Variants in MAD1L1 observed in about 807,000 individuals in gnomAD.
MAD1L1 encodes the protein mitotic arrest deficient 1 like 1, also known as mitotic spindle assembly checkpoint protein MAD1.
MAD1L1 carries 95 observed loss-of-function variants against 96.9 expected under a neutral mutation model. The ratio of observed to expected loss-of-function variants is 0.98; its 90% confidence interval spans 0.83 to 1.16. The LOEUF (loss-of-function observed/expected upper bound fraction) is 1.16, where lower values mean the gene tolerates loss of function less well. Among genes scored for constraint, MAD1L1 ranks in the 50% most tolerant of loss-of-function variants. MAD1L1 has a pLI of 0.00. For missense variants in MAD1L1, 1,007 were observed against 954.4 expected (o/e 1.06, Z -0.73); for synonymous variants, 473 against 396.6 (o/e 1.19, Z -2.29).
In MAD1L1 at chr7:2,219,472, A is replaced by ACCAGAGAGCCGCTCAGTGAGTGGAG; in HGVS notation, c.472-41_472-17dup. 6.2e-7 allele frequency: 1 copy of ACCAGAGAGCCGCTCAGTGAGTGGAG among 1,612,008 alleles called. No homozygotes were observed. The highest frequency in any genetic ancestry group is 1.1e-5 in the South Asian group (1 of 90,886). ...CGTTGATGGTCTAAAAGTAGAGGGG[A>ACCAGAGAGCCGCTCAGTGAGTGGAG]CCAGAGAGCCGCTCAGTGAGTGGAG... On this transcript the variant is annotated splice_polypyrimidine_tract_variant and intron_variant, in intron 5 of 18. Coordinates refer to ENST00000265854, the MANE Select transcript of MAD1L1 (RefSeq NM_001013836.2).
At chr7:1,909,164 T>A (rs1017502572) in intron 17 of MAD1L1, among the ~76,000 whole-genome samples, 14 of 152,082 alleles carry the variant, frequency 9.2e-5, no homozygotes, top group African/African-American at 3.4e-4. Flanking sequence ...GGCCTCCACA[T>A]CAGGCCGAGG....
chr7:2,034,124 C>T (rs1783356349), intron 12 of MAD1L1, among the ~76,000 whole-genome samples: 1 of 151,934 alleles, frequency 6.6e-6, no homozygotes, highest in Admixed American at 6.5e-5. Flanking sequence ...ACAAATGAAT[C>T]AGATATGGGG....
At chr7:1,958,974 A>G (rs1383887526) in intron 15 of MAD1L1, among the ~76,000 whole-genome samples, 1 of 152,204 alleles carries the variant, frequency 6.6e-6, no homozygotes, top group Non-Finnish European at 1.5e-5. Context: ...CACAGAGGCC[A>G]GGCACGGTGG....
intron 11 of MAD1L1, among the ~76,000 whole-genome samples, chr7:2,084,517 G>C (rs1406563370): frequency 6.6e-6 from 1 of 152,238 alleles, no homozygotes; most frequent in Non-Finnish European, 1.5e-5. Flanking sequence ...CCAGGCTCTG[G>C]CAGGCCTGAC....
intron 12 of MAD1L1, among the ~76,000 whole-genome samples, chr7:2,046,947 G>T (rs760907393): frequency 6.6e-6 from 1 of 152,240 alleles, no homozygotes; most frequent in Non-Finnish European, 1.5e-5. Context: ...CCCCTGGGCT[G>T]AGCGCACCCA....
chr7:2,169,785 G>A (rs890134647), intron 10 of MAD1L1, among the ~76,000 whole-genome samples: 26 of 131,284 alleles, frequency 2.0e-4, no homozygotes, highest in Non-Finnish European at 3.9e-4. Flanking sequence ...TCGGAGCAGG[G>A]GCTGGACCAC....
intron 11 of MAD1L1, among the ~76,000 whole-genome samples, chr7:2,132,011 C>T (rs563238562): frequency 3.9e-5 from 6 of 152,322 alleles, no homozygotes; most frequent in Non-Finnish European, 7.3e-5. Flanking sequence ...TGCCTCCTGA[C>T]GCTCAGCGTG....
chr7:2,202,227 G>C (rs749991), intron 10 of MAD1L1: 22,323 of 152,466 alleles, frequency 0.15, 1,826 homozygotes, highest in Middle Eastern at 0.26. Flanking sequence ...TCAGGATTGA[G>C]AGGATGCGTT....
intron 10 of MAD1L1, among the ~76,000 whole-genome samples, chr7:2,212,517 TTC>T (rs1190681603): frequency 1.3e-5 from 2 of 152,090 alleles, no homozygotes; most frequent in Non-Finnish European, 2.9e-5. Context: ...TGATAGTGAG[TTC>T]TCATGAGATC....
At chr7:1,907,408 T>A (rs1288855934) in intron 17 of MAD1L1, among the ~76,000 whole-genome samples, 1 of 152,230 alleles carries the variant, frequency 6.6e-6, no homozygotes, top group Non-Finnish European at 1.5e-5. Context: ...AAACAATGAA[T>A]CAAATACAGT....
intron 18 of MAD1L1, chr7:1,874,509 T>C (rs1309435838): frequency 1.1e-5 from 5 of 455,154 alleles, no homozygotes; most frequent in Middle Eastern, 3.3e-4. Context: ...GATAATCCTA[T>C]AGCTTTCCGC....
chr7:2,023,138 G>A (rs1782857119), intron 12 of MAD1L1, among the ~76,000 whole-genome samples: 1 of 152,314 alleles, frequency 6.6e-6, no homozygotes, highest in South Asian at 2.1e-4. Flanking sequence ...CCCGCAGGCA[G>A]AAAATCAGTG....
intron 11 of MAD1L1, among the ~76,000 whole-genome samples, chr7:2,095,013 T>C (rs901853824): frequency 6.6e-6 from 1 of 151,950 alleles, no homozygotes; most frequent in African/African-American, 2.4e-5. Context: ...AACTGAGCAA[T>C]CATTAAATAG....
At chr7:2,014,375 G>A (rs1480080769) in intron 13 of MAD1L1, 127 bp downstream of exon 13, 20 of 1,287,024 alleles carry the variant, frequency 1.6e-5, no homozygotes, top group African/African-American at 4.5e-5. Context: ...CTCCCTGACA[G>A]ACACCTGCCA....
At chr7:1,882,432 C>G (rs1785742138) in intron 18 of MAD1L1, among the ~76,000 whole-genome samples, 1 of 152,182 alleles carries the variant, frequency 6.6e-6, no homozygotes, top group South Asian at 2.1e-4. Context: ...GATGGGAAGG[C>G]TTCAGAAGAG....
chr7:1,998,831 C>T (rs1781670200), intron 14 of MAD1L1, among the ~76,000 whole-genome samples: 1 of 149,386 alleles, frequency 6.7e-6, no homozygotes, highest in Non-Finnish European at 1.5e-5. Flanking sequence ...AGTCCACAGA[C>T]CCCCTAACCC....
At position 2,114,543 on chromosome 7, in the gene MAD1L1, C is replaced by T. The variant is rs1029954870; in HGVS notation, c.1073+34609G>A. Among the ~76,000 whole-genome samples the T allele has an allele frequency of 2.6e-5, 4 of 152,246 alleles. No individual in the cohort carries two copies. Among genetic ancestry groups the T allele is most frequent in the African/African-American group, 4.8e-5 (2 of 41,468 alleles). On this transcript the variant is annotated intron_variant, in intron 11 of 18. Coordinates refer to ENST00000265854, the MANE Select transcript of MAD1L1 (RefSeq NM_001013836.2). The surrounding 1 kb of genome is among the most constrained non-coding windows in gnomAD (Gnocchi z 4.2). ...CTCCCTGCAGCAAGGCCCAAGCCGA[C>T]GTCACGTGGCAGAAGGATCTTCATG...
At chr7:1,866,517 G>A (rs551824446) in intron 18 of MAD1L1, among the ~76,000 whole-genome samples, 66 of 152,324 alleles carry the variant, frequency 4.3e-4, no homozygotes, top group Non-Finnish European at 7.8e-4. Flanking sequence ...GCAGAGACAC[G>A]AGGGTGCACT....
intron 14 of MAD1L1, among the ~76,000 whole-genome samples, chr7:1,988,960 A>G (rs1022100652): frequency 1.3e-5 from 2 of 152,254 alleles, no homozygotes; most frequent in African/African-American, 4.8e-5. Context: ...AGCAAGACTG[A>G]GAGCCCTTCC....
Sources: gnomAD v4.1 joint callset for allele counts (sites outside exome capture counted in the v4.1 genomes callset) on GRCh38, gnomAD v4.1.1 for gene constraint, Gnocchi (gnomAD v3.1) non-coding constraint, MANE v1.5 for transcripts, NCBI Gene and HGNC (gene_info 2026-07-23, HGNC 2026-07-21) for gene names.